The following MTFR1 variants were observed in gnomAD, a reference collection of about 807,000 sequenced individuals.
The protein encoded by MTFR1 is mitochondrial fission regulator 1, also known as chondrocyte protein with a poly-proline region.
Under a neutral mutation model 38.8 loss-of-function variants are expected in MTFR1, and 28 were observed. The observed-to-expected ratio is 0.72, with a 90% CI of 0.53 to 0.99. The LOEUF (loss-of-function observed/expected upper bound fraction) is 0.99. Among genes scored for constraint, MTFR1 ranks in the 50% least tolerant of loss-of-function variants. The pLI is 0.00. For synonymous variants in MTFR1, 145 were observed against 137.0 expected, an observed-to-expected ratio of 1.06 and a Z score of -0.41; for missense variants, 358 against 395.5, an observed-to-expected ratio of 0.91 and a Z score of 0.81.
At chr8:65,724,308 C>T (rs1411052523) in intron 3 of MTFR1, 1 of 1,612,920 alleles carries the variant, frequency 6.2e-7, no homozygotes, top group Non-Finnish European at 8.5e-7. Context: ...GCTTAATTCC[C>T]ACGTCCGACA....
In MTFR1 at chr8:65,719,531, T is replaced by C. The variant is rs751507355; in HGVS notation, c.*48+50T>C. 73 of 1,323,846 alleles carry C rather than the reference T, an allele frequency of 5.5e-5. 4 individuals carry two copies. The South Asian group carries it at 8.5e-4, about 15-fold the overall frequency. The allele number at this position is 1,323,846 out of a possible 1,614,324, so 82.0% of individuals were successfully genotyped here. A position where few individuals can be genotyped will look rare whatever the true frequency, so the allele number is the denominator to read the frequency against. ...TAGGAGAAAAAGTTATTAACATATA[T>C]GCTGAAACTCTATCTTTAAAACATC... On this transcript the variant is annotated intron_variant, in intron 3 of 3. Coordinates refer to the MTFR1 transcript ENST00000521247.
downstream of MTFR1, among the ~76,000 whole-genome samples, chr8:65,772,780 G>T (rs542302354): frequency 1.1e-4 from 17 of 152,162 alleles, no homozygotes; most frequent in Non-Finnish European, 1.9e-4. Context: ...AAGGCAGGCA[G>T]ATCACTTGAG....
intron 3 of MTFR1, among the ~76,000 whole-genome samples, chr8:65,763,067 G>A (rs1027350700): frequency 6.6e-6 from 1 of 151,100 alleles, no homozygotes; most frequent in African/African-American, 2.4e-5. Flanking sequence ...TTAAACTTCA[G>A]TATGAACCAA....
intron 1 of MTFR1, among the ~76,000 whole-genome samples, chr8:65,666,579 A>G (rs1804388338): frequency 6.6e-6 from 1 of 152,222 alleles, no homozygotes; most frequent in Non-Finnish European, 1.5e-5. Flanking sequence ...TATACTAACT[A>G]TGCTTTAGTT....
intron 1 of MTFR1, among the ~76,000 whole-genome samples, chr8:65,662,939 C>G (rs1389545768): frequency 6.6e-6 from 1 of 151,094 alleles, no homozygotes; most frequent in African/African-American, 2.4e-5. Context: ...GCCAGCCACC[C>G]CGTCCGGGAG....
chr8:65,685,848 G>T (rs1029333036), intron 3 of MTFR1, among the ~76,000 whole-genome samples: 2 of 152,178 alleles, frequency 1.3e-5, no homozygotes, highest in African/African-American at 2.4e-5. Context: ...CTCAGGGAAG[G>T]TCTCTCTAAA....
intron 1 of MTFR1, among the ~76,000 whole-genome samples, chr8:65,668,475 A>ACCGC (rs1804460035): frequency 1.4e-5 from 2 of 146,990 alleles, no homozygotes; most frequent in African/African-American, 5.0e-5. Flanking sequence ...GACATGAGCC[A>ACCGC]CCGCACCCAG....
At chr8:65,730,085 G>A (rs1329836264) in intron 3 of MTFR1, among the ~76,000 whole-genome samples, 1 of 150,806 alleles carries the variant, frequency 6.6e-6, no homozygotes, top group Non-Finnish European at 1.5e-5. Context: ...ATTATTGCCT[G>A]AGCTCTGCCT....
chr8:65,687,436 C>G (rs886098663), intron 3 of MTFR1, among the ~76,000 whole-genome samples: 6 of 151,488 alleles, frequency 4.0e-5, no homozygotes, highest in Non-Finnish European at 8.8e-5. Flanking sequence ...AGCTCTGCCT[C>G]CCAGGTTCAC....
At chr8:65,727,157 A>G in intron 3 of MTFR1, 1 of 1,420,066 alleles carries the variant, frequency 7.0e-7, no homozygotes, top group African/African-American at 1.4e-5. Context: ...CTTGATGATA[A>G]AATTGCACTA....
intron 3 of MTFR1, among the ~76,000 whole-genome samples, chr8:65,740,957 C>T (rs963022683): frequency 1.3e-5 from 2 of 152,214 alleles, no homozygotes; most frequent in Non-Finnish European, 2.9e-5. Context: ...AGAGCTGCTA[C>T]ACGCAATGGG....
chr8:65,729,644 G>C (rs1051285115), intron 3 of MTFR1, among the ~76,000 whole-genome samples: 1 of 151,840 alleles, frequency 6.6e-6, no homozygotes, highest in African/African-American at 2.4e-5. Context: ...GCTCACTGCA[G>C]CCTCTGCCTC....
At chr8:65,655,986 G>GA (rs1809258934) in intron 1 of MTFR1, among the ~76,000 whole-genome samples, 2 of 53,696 alleles carry the variant, frequency 3.7e-5, no homozygotes, top group South Asian at 1.2e-3. Flanking sequence ...TATATATATG[G>GA]TAGTGGGTTG....
rs1805117371 is a variant in MTFR1, at chr8:65,687,342, GA to G, written c.165+4893del. On this transcript the variant is annotated intron_variant, in intron 3 of 7. Transcript: ENST00000262146. ...ATATATACAGCTTTGTAATCTTAAA[GA>G]ATACTTTTTTTTTTTTTTTTTGAGA... is the stretch of plus-strand genomic sequence containing the variant. Among the ~76,000 whole-genome samples, 3 of 125,996 alleles carry G rather than the reference GA, an allele frequency of 2.4e-5. No homozygotes were observed. The South Asian group carries it at 7.8e-4, about 33-fold the overall frequency. The allele number at this position is 125,996 out of a possible 152,430, so 82.7% of individuals were successfully genotyped here. A position where few individuals can be genotyped will look rare whatever the true frequency, so the allele number is the denominator to read the frequency against.
chr8:65,670,690 A>G (rs1381044271), intron 2 of MTFR1, among the ~76,000 whole-genome samples: 3 of 150,356 alleles, frequency 2.0e-5, no homozygotes, highest in Non-Finnish European at 3.0e-5. Flanking sequence ...AGGTTACATA[A>G]TTTGAATGTG....
chr8:65,767,033 A>G (rs1331027995), intron 3 of MTFR1, among the ~76,000 whole-genome samples: 1 of 142,802 alleles, frequency 7.0e-6, no homozygotes, highest in Non-Finnish European at 1.5e-5. Flanking sequence ...AACAACAACA[A>G]CAACGCCTGG....
At chr8:65,777,184 A>G in the MTFR1 span, among the ~76,000 whole-genome samples, 32 of 146,722 alleles carry the variant, frequency 2.2e-4, no homozygotes, top group African/African-American at 8.2e-4. Context: ...GGTTCAAGCG[A>G]TTCTCCTGCC....
intron 3 of MTFR1, among the ~76,000 whole-genome samples, chr8:65,690,123 A>G (rs551049850): frequency 9.3e-4 from 141 of 152,280 alleles, no homozygotes; most frequent in Non-Finnish European, 1.5e-3. Flanking sequence ...TATTAATTTT[A>G]TGGAGGCATT....
rs766490948 is a variant in MTFR1 at position 65,747,729 on chromosome 8, A to T, written c.*49-23218A>T. On this transcript the variant is annotated intron_variant, in intron 3 of 3. Coordinates refer to the MTFR1 transcript ENST00000521247. ...GCAGTACCACGAAAAAAGCGTGAAG[A>T]TCTAAGATATCGCTGGAAACTTAGT... The T allele has an allele frequency of 6.2e-7, 1 of 1,610,046 alleles. No individual in the cohort carries two copies. Among genetic ancestry groups the T allele is most frequent in the East Asian group, 2.2e-5 (1 of 44,788 alleles).
Sources: allele counts gnomAD v4.1 joint callset (sites outside exome capture counted in the v4.1 genomes callset), GRCh38; gene constraint gnomAD v4.1.1; transcripts MANE v1.5; gene names NCBI Gene and HGNC (gene_info 2026-07-23, HGNC 2026-07-21).